The following UBR3 variants were observed in gnomAD, a reference collection of about 807,000 sequenced individuals.
UBR3 encodes E3 ubiquitin-protein ligase UBR3.
Under a neutral mutation model 243.2 loss-of-function variants are expected in UBR3, and 85 were observed. That is an observed-to-expected ratio of 0.35 (90% CI 0.29 to 0.42). UBR3 has a LOEUF of 0.42. UBR3 is among the 10% of genes least tolerant of loss of function. The pLI is 1.00. For synonymous variants in UBR3, 748 were observed against 799.8 expected (o/e 0.94, Z 1.09); for missense variants, 1,686 against 2,300.8 (o/e 0.73, Z 5.47).
At chr2:169,986,193 GAAAT>G (rs1188648726) in intron 24 of UBR3, among the ~76,000 whole-genome samples, 2 of 152,102 alleles carry the variant, frequency 1.3e-5, no homozygotes, top group Non-Finnish European at 2.9e-5. Context: ...GAGTGAGAAA[GAAAT>G]AGTTTTTTTC....
chr2:170,059,540 A>G (rs1346718190), intron 33 of UBR3, among the ~76,000 whole-genome samples: 1 of 152,194 alleles, frequency 6.6e-6, no homozygotes, highest in Non-Finnish European at 1.5e-5. Flanking sequence ...ACTTAAATCA[A>G]TTTTAAAAAC....
At chr2:169,954,383 G>A (rs557184762) in intron 23 of UBR3, among the ~76,000 whole-genome samples, 83 of 152,080 alleles carry the variant, frequency 5.5e-4, no homozygotes, top group Non-Finnish European at 9.6e-4. Flanking sequence ...TGGGACTACA[G>A]GTGTGTGCCA....
chr2:170,057,691 G>A (rs776630864), intron 33 of UBR3, among the ~76,000 whole-genome samples: 1 of 151,882 alleles, frequency 6.6e-6, no homozygotes, highest in Non-Finnish European at 1.5e-5. Flanking sequence ...TCTGAACCTC[G>A]TAATTGTTAG....
chr2:169,901,398 T>C (rs779093888), intron 8 of UBR3, among the ~76,000 whole-genome samples: 16 of 152,178 alleles, frequency 1.1e-4, no homozygotes, highest in Non-Finnish European at 2.1e-4. Flanking sequence ...ATACTATTTT[T>C]TCCTCTTTCA....
chr2:170,050,029 A>T (rs543344984), intron 32 of UBR3, among the ~76,000 whole-genome samples: 6 of 152,304 alleles, frequency 3.9e-5, no homozygotes, highest in African/African-American at 1.2e-4. Flanking sequence ...TTGGCAGTTT[A>T]TTGGACCCAA....
rs567162409 is a variant in UBR3, at chr2:169,934,084, T to C, written c.2663+1076T>C. On this transcript the variant is annotated intron_variant, in intron 19 of 38. Coordinates refer to ENST00000272793, the MANE Select transcript of UBR3 (RefSeq NM_172070.4). ...TCTTAGCTCCTTGAGGGAATATATTTTTATCTCTGTATCTCGTCTACATCT... is the reference window on the plus strand; with the variant it reads ...TCTTAGCTCCTTGAGGGAATATATTCTTATCTCTGTATCTCGTCTACATCT... 5.9e-5 allele frequency among the ~76,000 whole-genome samples: 9 copies of C among 152,338 alleles called. No homozygotes were observed. The South Asian group carries it at 1.9e-3, about 32-fold the overall frequency.
At chr2:169,831,223 C>T (rs1412998857) in intron 1 of UBR3, among the ~76,000 whole-genome samples, 5 of 143,060 alleles carry the variant, frequency 3.5e-5, no homozygotes, top group Non-Finnish European at 7.5e-5. Flanking sequence ...TCACCGCAAC[C>T]TCTGCCTCCC....
At chr2:170,011,918 A>G (rs1002614629) in intron 29 of UBR3, among the ~76,000 whole-genome samples, 1 of 152,156 alleles carries the variant, frequency 6.6e-6, no homozygotes, top group African/African-American at 2.4e-5. Flanking sequence ...TCTTGAAACA[A>G]TGAATGACAT....
chr2:169,852,277 G>C (rs2082682997), intron 1 of UBR3, among the ~76,000 whole-genome samples: 1 of 152,190 alleles, frequency 6.6e-6, no homozygotes, highest in South Asian at 2.1e-4. Context: ...AAGATGAATG[G>C]AATAATGGAT....
intron 1 of UBR3, among the ~76,000 whole-genome samples, chr2:169,859,942 C>T (rs1318880550): frequency 2.0e-5 from 3 of 152,108 alleles, no homozygotes; most frequent in Non-Finnish European, 4.4e-5. Context: ...TGTTCTGGAT[C>T]TCCTGACCTT....
intron 14 of UBR3, 135 bp downstream of exon 14, chr2:169,925,882 TC>T: frequency 1.1e-6 from 1 of 888,070 alleles, no homozygotes; most frequent in Non-Finnish European, 1.6e-6. Flanking sequence ...TACTTACATT[TC>T]CCAGGAGAAG....
chr2:169,965,221 C>T lies in UBR3; in HGVS notation c.3634+6695C>T, dbSNP rs569056225. Among the ~76,000 whole-genome samples the T allele has an allele frequency of 3.9e-5, 6 of 152,276 alleles. No individual in the cohort carries two copies. The South Asian group carries it at 8.3e-4, about 21-fold the overall frequency. On this transcript the variant is annotated intron_variant, in intron 24 of 38. Coordinates refer to ENST00000272793, the MANE Select transcript of UBR3 (RefSeq NM_172070.4). The stretch of plus-strand genomic sequence containing the variant: ...TTTGTACTATAGTATTATTAACACA[C>T]GAAGCAGGGCCTATACCTGAAGTAG...
intron 5 of UBR3, among the ~76,000 whole-genome samples, chr2:169,886,409 T>C (rs11900648): frequency 0.47 from 70,997 of 152,028 alleles, 18,510 homozygotes; most frequent in Non-Finnish European, 0.6. Flanking sequence ...AGGCAACTTA[T>C]TCCCTTGATA....
chr2:170,073,729 T>A, intron 36 of UBR3, 122 bp downstream of exon 36: 1 of 1,024,372 alleles, frequency 9.8e-7, no homozygotes, highest in Non-Finnish European at 1.4e-6. Flanking sequence ...CTTGATTAAA[T>A]TGAAAAAATT....
chr2:169,885,411 A>G (rs10445721), intron 5 of UBR3, among the ~76,000 whole-genome samples: 70,997 of 151,956 alleles, frequency 0.47, 18,515 homozygotes, highest in Non-Finnish European at 0.6. Context: ...GAGAAACCCC[A>G]TTTCTACTAA....
At chr2:169,911,065 AT>A in intron 10 of UBR3, among the ~76,000 whole-genome samples, 1 of 152,184 alleles carries the variant, frequency 6.6e-6, no homozygotes, top group East Asian at 1.9e-4. Context: ...CTGTCTTTGT[AT>A]GATTGCACTG....
intron 30 of UBR3, among the ~76,000 whole-genome samples, chr2:170,025,376 T>C (rs16857471): frequency 0.012 from 1,775 of 152,246 alleles, 49 homozygotes; most frequent in African/African-American, 0.039. Context: ...GAGCAGCACA[T>C]GAACTGGCTC....
chr2:170,053,859 G>GA (rs1559221003), intron 32 of UBR3, among the ~76,000 whole-genome samples: 1 of 152,146 alleles, frequency 6.6e-6, no homozygotes, highest in Non-Finnish European at 1.5e-5. Flanking sequence ...TGAACCTGAA[G>GA]AAAAATGATC....
intron 23 of UBR3, among the ~76,000 whole-genome samples, chr2:169,950,873 G>T (rs1574270039): frequency 6.6e-6 from 1 of 151,230 alleles, no homozygotes; most frequent in South Asian, 2.1e-4. Context: ...CTTGGAAAGG[G>T]TTCAGTGTTT....
Sources: gnomAD v4.1 joint callset for allele counts (sites outside exome capture counted in the v4.1 genomes callset) on GRCh38, gnomAD v4.1.1 for gene constraint, MANE v1.5 for transcripts, NCBI Gene and HGNC (gene_info 2026-07-23, HGNC 2026-07-21) for gene names.